EDA: variants seen among roughly 807,000 people sequenced by gnomAD.
EDA encodes ectodysplasin A.
In EDA, 2 loss-of-function variants were observed where a neutral mutation model predicts 23.6. The ratio of observed to expected loss-of-function variants is 0.08; its 90% CI spans 0.03 to 0.27. The LOEUF is 0.27. Ranked by LOEUF, EDA falls within the 10% of genes least tolerant of loss-of-function variation. EDA has a pLI of 1.00. For synonymous variants in EDA, 131 were observed against 132.0 expected (o/e 0.99, Z 0.05); for missense variants, 229 against 324.2 (o/e 0.71, Z 2.26).
chrX:69,722,720 C>G (rs1402185455), intron 1 of EDA, among the ~76,000 whole-genome samples: 1 of 111,110 alleles, frequency 9.0e-6, no homozygotes, highest in Non-Finnish European at 1.9e-5. Flanking sequence ...CTATGAATAC[C>G]AACTTAAGAG....
At chrX:69,683,856 G>T (rs927901752) in intron 1 of EDA, among the ~76,000 whole-genome samples, 14 of 112,347 alleles carry the variant, frequency 1.2e-4, no homozygotes, top group African/African-American at 3.9e-4. Flanking sequence ...AAGTGTTCAA[G>T]CTTAGAAAGA....
intron 1 of EDA, among the ~76,000 whole-genome samples, chrX:69,849,817 G>A (rs12857693): frequency 0.3 from 33,436 of 110,844 alleles, 4,746 homozygotes; most frequent in Middle Eastern, 0.55. Flanking sequence ...AGTAGTTGTA[G>A]CAATACATTG....
intron 1 of EDA, among the ~76,000 whole-genome samples, chrX:69,646,448 C>T (rs1453690151): frequency 9.0e-6 from 1 of 111,334 alleles, no homozygotes; most frequent in Non-Finnish European, 1.9e-5. Flanking sequence ...CCTTTTTTGT[C>T]TTTTTTGATC....
chrX:69,861,725 A>G (rs945412443), intron 1 of EDA, among the ~76,000 whole-genome samples: 1 of 112,196 alleles, frequency 8.9e-6, no homozygotes, highest in African/African-American at 3.2e-5. Flanking sequence ...ATACTACATT[A>G]CTATCAGACA....
chrX:69,797,133 G>C, intron 1 of EDA, among the ~76,000 whole-genome samples: 1 of 110,922 alleles, frequency 9.0e-6, no homozygotes, highest in East Asian at 2.8e-4. Flanking sequence ...AAGGCAAGCG[G>C]ATAATAAAAG....
At chrX:69,626,360 G>A (rs1439687960) in intron 1 of EDA, among the ~76,000 whole-genome samples, 1 of 111,960 alleles carries the variant, frequency 8.9e-6, no homozygotes, top group Non-Finnish European at 1.9e-5. Context: ...TACATTGAAT[G>A]TTCATAGCAG....
chrX:69,860,398 A>G (rs1435476831), intron 1 of EDA, among the ~76,000 whole-genome samples: 2 of 111,732 alleles, frequency 1.8e-5, no homozygotes, highest in African/African-American at 6.5e-5. Context: ...TGCTCCCTTC[A>G]GGAGCTCTTG....
At chrX:69,849,080 TATACACACACACACACACACACACACAC>T (rs2017067160) in intron 1 of EDA, among the ~76,000 whole-genome samples, 1 of 84,721 alleles carries the variant, frequency 1.2e-5, no homozygotes, top group Non-Finnish European at 2.2e-5. Context: ...ACAAAGTCTA[TATACACACACACACACACACACACACAC>T]ACACACACAC....
chrX:69,996,907 G>A (rs2019665034), intron 2 of EDA, among the ~76,000 whole-genome samples: 1 of 112,395 alleles, frequency 8.9e-6, no homozygotes, highest in South Asian at 3.7e-4. Context: ...CTGCTGCCAT[G>A]TGAGACGTGC....
intron 1 of EDA, among the ~76,000 whole-genome samples, chrX:69,652,325 A>G (rs1211830089): frequency 8.9e-6 from 1 of 111,965 alleles, no homozygotes; most frequent in Non-Finnish European, 1.9e-5. Context: ...ACAGATAGTG[A>G]CAAAGTGGCA....
chrX:69,651,309 G>A (rs1309392121), intron 1 of EDA, among the ~76,000 whole-genome samples: 1 of 111,839 alleles, frequency 8.9e-6, no homozygotes, highest in African/African-American at 3.2e-5. Flanking sequence ...GAATCAAGAA[G>A]TGAAACTAGA....
intron 1 of EDA, among the ~76,000 whole-genome samples, chrX:69,624,285 G>A (rs868177435): frequency 1.3e-4 from 14 of 111,438 alleles, no homozygotes; most frequent in Non-Finnish European, 5.7e-5. Context: ...TTATAAGATA[G>A]TGTTTGGTTC....
intron 6 of EDA, among the ~76,000 whole-genome samples, chrX:70,032,254 G>T (rs2020209776): frequency 9.5e-6 from 1 of 105,015 alleles, no homozygotes; most frequent in Non-Finnish European, 2.0e-5. Flanking sequence ...GTGAGTGACA[G>T]TCCATCTCAG....
rs796678528 is a variant in EDA, at chrX:69,987,274, T to TA, written c.502+30155dup. Among the ~76,000 whole-genome samples the TA allele has an allele frequency of 3.2e-3, 217 of 67,051 alleles. 3 individuals are homozygous for TA. The highest frequency in any genetic ancestry group is 4.6e-3 in the Non-Finnish European group (161 of 34,905). 58.2% of individuals were successfully genotyped at this position (67,051 alleles called of 115,157 possible). ...ATGTACCCTAAAACTTAAAGTATAA[T>TA]AAAAAAAAAAAAATTAAAAAAAAAA... On this transcript the variant is annotated intron_variant, in intron 2 of 7. Coordinates refer to ENST00000374552, the MANE Select transcript of EDA (RefSeq NM_001399.5).
At chrX:69,976,114 C>T (rs2019314511) in intron 2 of EDA, among the ~76,000 whole-genome samples, 1 of 110,962 alleles carries the variant, frequency 9.0e-6, no homozygotes, top group Non-Finnish European at 1.9e-5. Context: ...TTAATAAATA[C>T]AAAAGTAATA....
intron 1 of EDA, among the ~76,000 whole-genome samples, chrX:69,948,150 G>C (rs1347111863): frequency 8.9e-6 from 1 of 111,904 alleles, no homozygotes; most frequent in African/African-American, 3.2e-5. Flanking sequence ...CCCCAAAATG[G>C]GATCTAAGAA....
At chrX:69,767,588 A>G (rs1232738021) in intron 1 of EDA, among the ~76,000 whole-genome samples, 2 of 111,748 alleles carry the variant, frequency 1.8e-5, no homozygotes, top group African/African-American at 6.5e-5. Flanking sequence ...TATATTATAG[A>G]TATGTGACAA....
chrX:69,703,629 C>T (rs2011601693), intron 1 of EDA, among the ~76,000 whole-genome samples: 1 of 111,862 alleles, frequency 8.9e-6, no homozygotes. Context: ...GTGTCTCAGT[C>T]TTATGTAACT....
chrX:69,673,605 A>C (rs549333111), intron 1 of EDA, among the ~76,000 whole-genome samples: 2 of 112,083 alleles, frequency 1.8e-5, no homozygotes, highest in South Asian at 7.4e-4. Flanking sequence ...AAAATCATTT[A>C]GAAGCAAAGT....
Sources: allele counts gnomAD v4.1 joint callset (sites outside exome capture counted in the v4.1 genomes callset), GRCh38; gene constraint gnomAD v4.1.1; transcripts MANE v1.5; gene names NCBI Gene and HGNC (gene_info 2026-07-23, HGNC 2026-07-21).